ASH1L: variants seen among roughly 807,000 people sequenced by gnomAD.
ASH1L encodes the protein ASH1 like histone lysine methyltransferase, also known as histone-lysine N-methyltransferase ASH1L.
In ASH1L, 23 loss-of-function variants were observed where a neutral mutation model predicts 269.0. That is an observed-to-expected ratio of 0.09 (90% confidence interval 0.06 to 0.12). ASH1L has a LOEUF of 0.12. Ranked by LOEUF, ASH1L falls within the 10% of genes least tolerant of loss-of-function variation. ASH1L has a pLI of 1.00. For synonymous variants in ASH1L, 1,187 were observed against 1,253.5 expected, an observed-to-expected ratio of 0.95 and a Z score of 1.12; for missense variants, 2,912 against 3,567.8, an observed-to-expected ratio of 0.82 and a Z score of 4.68.
At chr1:155,434,131 G>A in intron 5 of ASH1L, 1 of 1,594,552 alleles carries the variant, frequency 6.3e-7, no homozygotes, top group Non-Finnish European at 8.5e-7. Context: ...TGGCCCCAGG[G>A]CCCCATTTTG....
At chr1:155,518,364 G>A (rs1323338598) in intron 2 of ASH1L, among the ~76,000 whole-genome samples, 2 of 151,950 alleles carry the variant, frequency 1.3e-5, no homozygotes, top group East Asian at 3.9e-4. Context: ...TAATAATACA[G>A]GTAATAAAGG....
rs1665711696 is a variant in ASH1L at position 155,478,263 on chromosome 1, C to A, written c.4607G>T (p.Cys1536Phe). 1 of 1,614,136 alleles carries A rather than the reference C, an allele frequency of 6.2e-7. No individual in the cohort carries two copies. Among genetic ancestry groups the A allele is most frequent in the East Asian group, 2.2e-5 (1 of 44,880 alleles). The change falls in exon 3 of 28, where the codon TGT becomes TTT. Residue 1536 changes from cysteine (C) to phenylalanine (F), a missense_variant. Physicochemically the swap from Cys to Phe is radical, Grantham distance 205. This residue lies in a region of ASH1L where 789 missense variants were observed against 897.6 expected (regional missense o/e 0.88). Coordinates refer to ENST00000392403, the MANE Select transcript of ASH1L (RefSeq NM_018489.3). This position sits in a 1 kb window ranked among gnomAD's most constrained non-coding sequence, Gnocchi z 4.6. Reference sequence around the variant, plus strand: ...AGAGAGATGAGGGCAGGACATGTGACAACGGTGCTTTTCCTTATGCTTATA... The same window carrying A: ...AGAGAGATGAGGGCAGGACATGTGAAAACGGTGCTTTTCCTTATGCTTATA... ...ERYKHKEKHRCHMSCPHLSPS... is the reference protein window; with the variant it reads ...ERYKHKEKHRFHMSCPHLSPS...
chr1:155,424,773 G>A (rs971674611), intron 5 of ASH1L, among the ~76,000 whole-genome samples: 3 of 152,058 alleles, frequency 2.0e-5, no homozygotes, highest in Non-Finnish European at 2.9e-5. Flanking sequence ...TGAGAATGGC[G>A]TCATGTATAG....
chr1:155,390,443 C>G (rs1011586633), intron 7 of ASH1L, among the ~76,000 whole-genome samples: 2 of 152,102 alleles, frequency 1.3e-5, no homozygotes, highest in African/African-American at 4.8e-5. Flanking sequence ...TTCCAGAAAA[C>G]AGAGGAGGAA....
intron 4 of ASH1L, among the ~76,000 whole-genome samples, chr1:155,441,259 T>C (rs1662535137): frequency 1.3e-5 from 2 of 151,970 alleles, no homozygotes; most frequent in Admixed American, 6.6e-5. Flanking sequence ...TGATTTCCAA[T>C]GTTAGGTTAG....
chr1:155,428,520 TAAACAA>T (rs887656090), intron 5 of ASH1L, among the ~76,000 whole-genome samples: 18 of 151,878 alleles, frequency 1.2e-4, no homozygotes, highest in Non-Finnish European at 2.5e-4. Flanking sequence ...AAACTGGCCA[TAAACAA>T]AATCTCTTCA....
intron 1 of ASH1L, among the ~76,000 whole-genome samples, chr1:155,521,992 C>T (rs1325250609): frequency 1.3e-5 from 2 of 152,152 alleles, no homozygotes; most frequent in Non-Finnish European, 2.9e-5. Flanking sequence ...CTGAAGTACA[C>T]TTTTATTTCC....
At chr1:155,351,547 T>C (rs1290477728) in intron 17 of ASH1L, among the ~76,000 whole-genome samples, 1 of 148,700 alleles carries the variant, frequency 6.7e-6, no homozygotes, top group African/African-American at 2.5e-5. Flanking sequence ...ACTGAGACCC[T>C]GTCTAAAACA....
chr1:155,556,401 C>CCTGTGTGTGTGT (rs1491493444), intron 1 of ASH1L, among the ~76,000 whole-genome samples: 14 of 140,458 alleles, frequency 1.0e-4, no homozygotes, highest in African/African-American at 3.7e-4. Flanking sequence ...CATATATATA[C>CCTGTGTGTGTGT]GTGTGTGTGT....
At chr1:155,545,786 T>C (rs7411786) in intron 1 of ASH1L, among the ~76,000 whole-genome samples, 48,140 of 151,812 alleles carry the variant, frequency 0.32, 8,149 homozygotes, top group East Asian at 0.72. Context: ...TTTGGGAGGC[T>C]GAGGCAGGTG....
At chr1:155,406,120 CT>C (rs1456650165) in intron 6 of ASH1L, among the ~76,000 whole-genome samples, 2 of 149,648 alleles carry the variant, frequency 1.3e-5, no homozygotes, top group Non-Finnish European at 3.0e-5. Flanking sequence ...AAGAGAATTG[CT>C]TAAACCCAGG....
At chr1:155,404,186 T>A (rs1308845081) in intron 6 of ASH1L, among the ~76,000 whole-genome samples, 1 of 151,732 alleles carries the variant, frequency 6.6e-6, no homozygotes. Context: ...AGAGACCCTG[T>A]CTCTGAAAAA....
intron 5 of ASH1L, among the ~76,000 whole-genome samples, chr1:155,428,450 A>T (rs568733246): frequency 0.023 from 3,511 of 151,638 alleles, 103 homozygotes; most frequent in African/African-American, 0.069. Context: ...CTCAAAAAAA[A>T]AAATATATAT....
At chr1:155,467,169 TTC>T (rs1334315654) in intron 3 of ASH1L, among the ~76,000 whole-genome samples, 1 of 152,208 alleles carries the variant, frequency 6.6e-6, no homozygotes, top group Non-Finnish European at 1.5e-5. Flanking sequence ...GGTTTGTAAG[TTC>T]TGTCATGTGT....
chr1:155,419,444 T>C (rs1045944337), intron 5 of ASH1L: 4 of 151,866 alleles, frequency 2.6e-5, no homozygotes, highest in Admixed American at 2.0e-4. Context: ...AATACAGAGA[T>C]GAGCATGGCC....
chr1:155,367,185 GGTTTC>G (rs1194695039), intron 12 of ASH1L, among the ~76,000 whole-genome samples: 3 of 151,844 alleles, frequency 2.0e-5, no homozygotes, highest in Non-Finnish European at 2.9e-5. Context: ...GTAGAGACAG[GGTTTC>G]ACCATGTTGG....
At chr1:155,403,039 G>A (rs1464502962) in intron 6 of ASH1L, among the ~76,000 whole-genome samples, 2 of 151,670 alleles carry the variant, frequency 1.3e-5, no homozygotes, top group East Asian at 1.9e-4. Flanking sequence ...ACACAAATTA[G>A]CCAGGTGTGG....
intron 3 of ASH1L, among the ~76,000 whole-genome samples, chr1:155,475,982 A>G (rs1485509774): frequency 6.6e-6 from 1 of 152,226 alleles, no homozygotes; most frequent in Non-Finnish European, 1.5e-5. Flanking sequence ...TTATATAACA[A>G]GGGCCCACAA....
At chr1:155,471,977 T>C (rs1042755728) in intron 3 of ASH1L, among the ~76,000 whole-genome samples, 32 of 152,264 alleles carry the variant, frequency 2.1e-4, no homozygotes, top group Admixed American at 8.5e-4. Flanking sequence ...GTCTTTGTGG[T>C]TTCTGTATGT....
Sources: gnomAD v4.1 joint callset for allele counts (sites outside exome capture counted in the v4.1 genomes callset) on GRCh38, gnomAD v4.1.1 for gene constraint, gnomAD v4.1.1 regional missense constraint, Gnocchi (gnomAD v3.1) non-coding constraint, MANE v1.5 for transcripts, NCBI Gene and HGNC (gene_info 2026-07-23, HGNC 2026-07-21) for gene names.